Variants in NPHS1 observed in about 807,000 individuals in gnomAD.
The protein encoded by NPHS1 is NPHS1 adhesion molecule, nephrin.
A neutral mutation model predicts 139.7 loss-of-function variants in NPHS1; 107 were observed. The ratio of observed to expected loss-of-function variants is 0.77; its 90% CI spans 0.66 to 0.90. The LOEUF (loss-of-function observed/expected upper bound fraction) is 0.90. Among genes scored for constraint, NPHS1 ranks in the 40% least tolerant of loss-of-function variants. The pLI, the probability that NPHS1 is intolerant of heterozygous loss-of-function variation, is 0.00. For missense variants in NPHS1, 1,580 were observed against 1,654.2 expected, an observed-to-expected ratio of 0.96 and a Z score of 0.78; for synonymous variants, 707 against 706.6, an observed-to-expected ratio of 1.00 and a Z score of -0.01.
At position 35,845,552 on chromosome 19, in the gene NPHS1, G is replaced by A. The variant is rs1297382330; in HGVS notation, c.1758-12C>T. On this transcript the variant is annotated splice_polypyrimidine_tract_variant and intron_variant, in intron 13 of 28. Coordinates refer to ENST00000378910, the MANE Select transcript of NPHS1 (RefSeq NM_004646.4). The surrounding 1 kb of genome is among the most constrained non-coding windows in gnomAD (Gnocchi z 5.5). ...CCACGCCCTCCAGCCTGTGGAACCGGGGTCAAGCCAGGGCTGCGAGCGGAG... is the reference window on the plus strand; with the variant it reads ...CCACGCCCTCCAGCCTGTGGAACCGAGGTCAAGCCAGGGCTGCGAGCGGAG... 1.2e-6 allele frequency: 2 copies of A among 1,611,484 alleles called. No individual in the cohort carries two copies. Among genetic ancestry groups the A allele is most frequent in the African/African-American group, 1.3e-5 (1 of 74,900 alleles).
chr19:35,847,979 G>A, intron 11 of NPHS1, 62 bp downstream of exon 11: 3 of 1,561,480 alleles, frequency 1.9e-6, no homozygotes, highest in Non-Finnish European at 1.8e-6. Flanking sequence ...CTGAAGGAGA[G>A]AAGGGGCCTG....
At chr19:35,844,515 C>A in intron 14 of NPHS1, 56 bp from the exon 15 acceptor site, 3 of 1,529,410 alleles carry the variant, frequency 2.0e-6, no homozygotes, top group Non-Finnish European at 2.6e-6. Flanking sequence ...GGGTCAAGGA[C>A]AGATTGGAGA....
At position 35,826,379 on chromosome 19, in the gene NPHS1, T is replaced by A; in HGVS notation, c.*135A>T. The A allele has an allele frequency of 1.0e-6, 1 of 1,001,226 alleles. No homozygotes were observed. Among genetic ancestry groups the A allele is most frequent in the East Asian group, 2.5e-5 (1 of 39,830 alleles). 62.0% of individuals were successfully genotyped at this position (1,001,226 alleles called of 1,614,324 possible). A position where few individuals can be genotyped will look rare whatever the true frequency, so the allele number is the denominator to read the frequency against. ...GAACCATCTCTGTCACTCAGCCCCC[T>A]CCATGTCCTCTCCTGACACCAAGTC... On this transcript the variant is annotated 3_prime_UTR_variant, in exon 29 of 29. Coordinates refer to ENST00000378910, the MANE Select transcript of NPHS1 (RefSeq NM_004646.4).
chr19:35,833,064 T>A (rs540849495), intron 23 of NPHS1, among the ~76,000 whole-genome samples: 5 of 150,646 alleles, frequency 3.3e-5, no homozygotes, highest in African/African-American at 9.7e-5. Flanking sequence ...TTTTTTTTTT[T>A]TGTATTTTTA....
At chr19:35,840,275 G>T (rs1356508566) in intron 20 of NPHS1, among the ~76,000 whole-genome samples, 2 of 151,528 alleles carry the variant, frequency 1.3e-5, no homozygotes, top group African/African-American at 2.4e-5. Context: ...AAAATGCTGG[G>T]ATTACAGGCA....
chr19:35,848,901 G>T, intron 8 of NPHS1, 75 bp downstream of exon 8: 1 of 1,609,412 alleles, frequency 6.2e-7, no homozygotes, highest in Non-Finnish European at 8.5e-7. Flanking sequence ...CATCCAGTAG[G>T]CATAATTTGG....
At chr19:35,833,439 C>A (rs775432739) in intron 23 of NPHS1, among the ~76,000 whole-genome samples, 16 of 152,180 alleles carry the variant, frequency 1.1e-4, no homozygotes, top group Non-Finnish European at 1.5e-4. Flanking sequence ...GTCTCCATTC[C>A]TCTCTCCACA....
At position 35,848,033 on chromosome 19, in the gene NPHS1, G is replaced by A; in HGVS notation, c.1440+8C>T. On this transcript the variant is annotated splice_region_variant and intron_variant, in intron 11 of 28. Transcript: ENST00000378910. The stretch of plus-strand genomic sequence containing the variant: ...TGGCCACCCCCATAGCCCTGGCGTG[G>A]CACCAACCTTGTACCACATGAGGGA... The A allele has an allele frequency of 1.9e-6, 3 of 1,613,470 alleles. No individual in the cohort carries two copies. Among genetic ancestry groups the A allele is most frequent in the Non-Finnish European group, 1.7e-6 (2 of 1,179,996 alleles).
At chr19:35,831,968 G>A (rs568169767) in intron 23 of NPHS1, among the ~76,000 whole-genome samples, 47 of 152,150 alleles carry the variant, frequency 3.1e-4, no homozygotes, top group Non-Finnish European at 6.2e-4. Context: ...AACTTCCTCC[G>A]TTTGCTTGAA....
At chr19:35,839,160 G>T in intron 22 of NPHS1, 77 bp downstream of exon 22, 3 of 1,379,420 alleles carry the variant, frequency 2.2e-6, no homozygotes, top group Non-Finnish European at 3.1e-6. Flanking sequence ...CATAAAAGGG[G>T]AATAGTATTG....
chr19:35,828,829 T>C (rs887584158), intron 28 of NPHS1, among the ~76,000 whole-genome samples: 2 of 152,240 alleles, frequency 1.3e-5, no homozygotes, highest in African/African-American at 4.8e-5. Flanking sequence ...GCAGCCTCCA[T>C]CTACGCTTTA....
At chr19:35,827,028 T>C (rs1972808437) in intron 28 of NPHS1, among the ~76,000 whole-genome samples, 1 of 152,068 alleles carries the variant, frequency 6.6e-6, no homozygotes, top group South Asian at 2.1e-4. Context: ...CAGGCTGGAG[T>C]GCAATGGCAC....
chr19:35,842,515 C>T lies in NPHS1; in HGVS notation c.2370G>A (p.Met790Ile). The T allele has an allele frequency of 6.2e-7, 1 of 1,614,116 alleles. No homozygotes were observed. Among genetic ancestry groups the T allele is most frequent in the Non-Finnish European group, 8.5e-7 (1 of 1,180,012 alleles). ...EDEEDQSLDD[M>I]EKISRGPTGR... Reference sequence around the variant, plus strand: ...CCGTTGGTCCCCTGGATATCTTCTCCATGTCATCCAGGCTCTGGTCCTCCT... The same window carrying T: ...CCGTTGGTCCCCTGGATATCTTCTCTATGTCATCCAGGCTCTGGTCCTCCT... The change falls in exon 18 of 29, where the codon ATG becomes ATA. Residue 790 changes from methionine (M) to isoleucine (I), a missense_variant. Transcript: ENST00000378910.
In NPHS1 at chr19:35,851,396, G is replaced by A. The variant is rs755108963; in HGVS notation, c.275-12C>T. On this transcript the variant is annotated splice_polypyrimidine_tract_variant and intron_variant, in intron 2 of 28. Transcript: ENST00000378910. Reference sequence around the variant, plus strand: ...CAGGTGGAATTCACCTGCAGGGGGAGCCGGAAGTCAGGGCCGCAGCTTCCG... The same window carrying A: ...CAGGTGGAATTCACCTGCAGGGGGAACCGGAAGTCAGGGCCGCAGCTTCCG... 6.2e-7 allele frequency: 1 copy of A among 1,612,816 alleles called. No individual in the cohort carries two copies.
Position 35,845,299 on chromosome 19 carries a change from A to G in NPHS1, c.1930+69T>C, listed in dbSNP as rs1973118811. The stretch of plus-strand genomic sequence containing the variant: ...AGAGAAGAGAAAAAGAAGGAAAAAA[A>G]GGTAAGACCCAAGGAGTAGTTTAGG... On this transcript the variant is annotated intron_variant, in intron 14 of 28. Transcript: ENST00000378910. The surrounding 1 kb of genome is among the most constrained non-coding windows in gnomAD (Gnocchi z 5.5). 2.0e-6 allele frequency: 3 copies of G among 1,532,268 alleles called. No individual in the cohort carries two copies. In the African/African-American group the frequency reaches 4.1e-5, roughly 21 times the overall value. 94.9% of individuals were successfully genotyped at this position (1,532,268 alleles called of 1,614,324 possible). A position where few individuals can be genotyped will look rare whatever the true frequency, so the allele number is the denominator to read the frequency against.
In NPHS1 at chr19:35,845,868, C is replaced by T. The variant is rs1447428803; in HGVS notation, c.1628-70G>A. 6.3e-7 allele frequency: 1 copy of T among 1,576,494 alleles called. No homozygotes were observed. On this transcript the variant is annotated intron_variant, in intron 12 of 28. Coordinates refer to ENST00000378910, the MANE Select transcript of NPHS1 (RefSeq NM_004646.4). The surrounding 1 kb of genome is among the most constrained non-coding windows in gnomAD (Gnocchi z 5.5). ...GCCTGGTCTGCGTCCACCCCGCCTGCACCCCAGGCTCCGCCCAGTCTCGGG... is the reference window on the plus strand; with the variant it reads ...GCCTGGTCTGCGTCCACCCCGCCTGTACCCCAGGCTCCGCCCAGTCTCGGG...
rs396178 is a variant in NPHS1 at position 35,851,151 on chromosome 19, C to T, written c.398-62G>A. On this transcript the variant is annotated intron_variant, in intron 3 of 28. Coordinates refer to ENST00000378910, the MANE Select transcript of NPHS1 (RefSeq NM_004646.4). ...TGAGAAGGACTTGAAGATTGGAGTTCGGTACCCAGAGTCTGGGAGAGGAGA... is the reference window on the plus strand; with the variant it reads ...TGAGAAGGACTTGAAGATTGGAGTTTGGTACCCAGAGTCTGGGAGAGGAGA... The T allele has an allele frequency of 4.1e-3, 6,559 of 1,613,430 alleles. 235 individuals carry two copies. The African/African-American group carries it at 0.075, about 19-fold the overall frequency.
rs1480094474 is a variant in NPHS1, at chr19:35,845,491, C to T, written c.1807G>A (p.Ala603Thr). The T allele has an allele frequency of 1.2e-6, 2 of 1,613,230 alleles. No individual in the cohort carries two copies. Among genetic ancestry groups the T allele is most frequent in the African/African-American group, 1.3e-5 (1 of 74,900 alleles). Residue 603 changes from alanine (A) to threonine (T), a missense_variant, in exon 14 of 29, where the codon GCC becomes ACC. Ala to Thr is a moderately conservative substitution (Grantham distance 58). Transcript: ENST00000378910. The surrounding 1 kb of genome is among the most constrained non-coding windows in gnomAD (Gnocchi z 5.5). ...TGCAGAAGGACGCTCCTGGCGGCGGCGGAGCCTTTGAATGGGGCTCTCCGG... is the reference window on the plus strand; with the variant it reads ...TGCAGAAGGACGCTCCTGGCGGCGGTGGAGCCTTTGAATGGGGCTCTCCGG... ...PPRRAPFKGS[A>T]AARSVLLQVS...
Position 35,849,646 on chromosome 19 carries a change from G to C in NPHS1, c.616C>G (p.Pro206Ala). 1 of 1,613,348 alleles carries C rather than the reference G, an allele frequency of 6.2e-7. No homozygotes were observed. The highest frequency in any genetic ancestry group is 1.1e-5 in the South Asian group (1 of 91,062). ...FTVEATARVT[P>A]RSSDNRQLLV... ...AACTGCCTATTATCTGAGCTCCGGG[G>C]TGTCACCCTGGGATGAGAAGTCAGG... The change falls in exon 6 of 29, where the codon CCC becomes GCC. Residue 206 changes from proline to alanine, a missense_variant. Physicochemically the swap from Pro to Ala is conservative, Grantham distance 27. Coordinates refer to ENST00000378910, the MANE Select transcript of NPHS1 (RefSeq NM_004646.4).
Sources: gnomAD v4.1 joint callset for allele counts (sites outside exome capture counted in the v4.1 genomes callset) on GRCh38, gnomAD v4.1.1 for gene constraint, Gnocchi (gnomAD v3.1) non-coding constraint, MANE v1.5 for transcripts, NCBI Gene and HGNC (gene_info 2026-07-23, HGNC 2026-07-21) for gene names.